APC2: variants seen among roughly 807,000 people sequenced by gnomAD.
APC2 encodes the protein adenomatous polyposis coli protein 2.
APC2 carries 41 observed loss-of-function variants against 72.5 expected under a neutral mutation model. The observed-to-expected ratio is 0.57, with a 90% CI of 0.44 to 0.73. The LOEUF is 0.73. APC2 is among the 30% of genes least tolerant of loss of function. The probability of loss-of-function intolerance (pLI) is 0.00; values close to 1 mark genes in which losing one functional copy is unlikely to be tolerated. For synonymous variants in APC2, 1,898 were observed against 1,612.0 expected (o/e 1.18, Z -4.25); for missense variants, 3,729 against 3,403.4 (o/e 1.10, Z -2.38).
chr19:1,468,325 C>T lies in APC2; in HGVS notation c.5024C>T (p.Ser1675Leu). 1.9e-6 allele frequency: 3 copies of T among 1,553,224 alleles called. No homozygotes were observed. Among genetic ancestry groups the T allele is most frequent in the Non-Finnish European group, 2.6e-6 (3 of 1,150,008 alleles). Residue 1675 changes from serine to leucine, a missense_variant, in exon 15 of 15, where the codon TCG (serine) becomes TTG (leucine). Transcript: ENST00000590469. Reference sequence around the variant, plus strand: ...GAACGCGGCGAGGAGGCAGCGGGCTCGGACCGGGCCTCCGACCTGGATAGC... The same window carrying T: ...GAACGCGGCGAGGAGGCAGCGGGCTTGGACCGGGCCTCCGACCTGGATAGC... The part of the protein sequence containing the change: ...SRERGEEAAG[S>L]DRASDLDSVE...
chr19:1,452,905 G>A lies in APC2; in HGVS notation c.-18-79G>A. 4 of 1,503,648 alleles carry A rather than the reference G, an allele frequency of 2.7e-6. No individual in the cohort carries two copies. The highest frequency in any genetic ancestry group is 1.3e-5 in the South Asian group (1 of 77,286). The allele number at this position is 1,503,648 out of a possible 1,614,324, so 93.1% of individuals were successfully genotyped here. A position where few individuals can be genotyped will look rare whatever the true frequency, so the allele number is the denominator to read the frequency against. Reference sequence around the variant, plus strand: ...ATCAGGCAGGACGGCTGGGGCTTAGGTCAGGGGCCGTCTGTCCGGAAGGCA... The same window carrying A: ...ATCAGGCAGGACGGCTGGGGCTTAGATCAGGGGCCGTCTGTCCGGAAGGCA... On this transcript the variant is annotated intron_variant, in intron 1 of 14. Transcript: ENST00000590469. This position sits in a 1 kb window ranked among gnomAD's most constrained non-coding sequence, Gnocchi z 5.1.
chr19:1,460,098 C>T (rs2083899033), intron 10 of APC2, 83 bp from the exon 11 acceptor site: 1 of 1,581,424 alleles, frequency 6.3e-7, no homozygotes, highest in African/African-American at 1.3e-5. Context: ...TAGGGAGGGC[C>T]TCTGGGCAAG....
At position 1,465,230 on chromosome 19, in the gene APC2, C is replaced by A. The variant is rs767211963; in HGVS notation, c.1929C>A (p.Ser643Arg). The change falls in exon 15 of 15, where the codon AGC becomes AGA. Residue 643 changes from serine to arginine, a missense_variant. By Grantham distance (110) the Ser-to-Arg change is moderately radical. Transcript: ENST00000590469. ...CTTCGCACAGCCTGACCATCGTGAG[C>A]AACGCGTGCGGCACGCTCTGGAACC... ...HLTSHSLTIVSNACGTLWNLS... is the reference protein window; with the variant it reads ...HLTSHSLTIVRNACGTLWNLS... 6.2e-7 allele frequency: 1 copy of A among 1,610,642 alleles called. No homozygotes were observed. The highest frequency in any genetic ancestry group is 8.5e-7 in the Non-Finnish European group (1 of 1,179,584).
At chr19:1,454,829 A>C (rs1599134184) in intron 4 of APC2, among the ~76,000 whole-genome samples, 1 of 152,042 alleles carries the variant, frequency 6.6e-6, no homozygotes, top group Non-Finnish European at 1.5e-5. Flanking sequence ...AGCCTCTCAA[A>C]GTGCTGGGAT....
intron 13 of APC2, 88 bp from the exon 14 acceptor site, chr19:1,461,875 A>T: frequency 2.5e-6 from 3 of 1,219,780 alleles, no homozygotes; most frequent in Non-Finnish European, 3.4e-6. Flanking sequence ...AAAAAACAAA[A>T]AAACCCAACT....
rs984572536 is a variant in APC2, at chr19:1,468,335, C to T, written c.5034C>T (p.Ala1678=). The T allele has an allele frequency of 6.4e-7, 1 of 1,560,980 alleles. No individual in the cohort carries two copies. The highest frequency in any genetic ancestry group is 1.9e-5 in the Admixed American group (1 of 53,818). The change falls in exon 15 of 15, where the codon GCC becomes GCT. Residue 1678 remains alanine, a synonymous_variant. Transcript: ENST00000590469. ...AGGAGGCAGCGGGCTCGGACCGGGC[C>T]TCCGACCTGGATAGCGTGGAGTGGC... ...RGEEAAGSDR[A]SDLDSVEWRA...
Position 1,468,172 on chromosome 19 carries a change from C to T in APC2, c.4871C>T (p.Ala1624Val). The T allele has an allele frequency of 6.9e-7, 1 of 1,452,814 alleles. No homozygotes were observed. Among genetic ancestry groups the T allele is most frequent in the Non-Finnish European group, 9.0e-7 (1 of 1,111,746 alleles). 90.0% of individuals were successfully genotyped at this position (1,452,814 alleles called of 1,614,324 possible). A position where few individuals can be genotyped will look rare whatever the true frequency, so the allele number is the denominator to read the frequency against. The stretch of plus-strand genomic sequence containing the variant: ...CGCGACAGCTCGCCCAGCCCGCGGG[C>T]CGCGGAGGAGCTTCTGCAGCGGTGC... ...GGRDSSPSPR[A>V]AEELLQRCIS... Residue 1624 changes from alanine to valine, a missense_variant, in exon 15 of 15, where the codon GCC becomes GTC. Transcript: ENST00000590469.
rs759376518 is a variant in APC2 at position 1,468,727 on chromosome 19, C to T, written c.5426C>T (p.Pro1809Leu). The change falls in exon 15 of 15, where the codon CCC becomes CTC. Residue 1809 changes from proline (P) to leucine (L), a missense_variant. Physicochemically the swap from Pro to Leu is moderately conservative, Grantham distance 98. Coordinates refer to ENST00000590469, the MANE Select transcript of APC2 (RefSeq NM_005883.3). ...CCCCGTGCCCAGCCCAAAGGGACCC[C>T]CGGCCCCCGCGCCACACCGCGGAAG... ...PAPRAQPKGT[P>L]GPRATPRKVA... 1.3e-6 allele frequency: 2 copies of T among 1,506,038 alleles called. No homozygotes were observed. Among genetic ancestry groups the T allele is most frequent in the Admixed American group, 2.2e-5 (1 of 45,712 alleles). 93.3% of individuals were successfully genotyped at this position (1,506,038 alleles called of 1,614,324 possible).
chr19:1,450,095 C>T (rs1464952445), upstream of APC2: 3 of 969,194 alleles, frequency 3.1e-6, no homozygotes, highest in Non-Finnish European at 3.7e-6. Context: ...TCACCCGCAT[C>T]CCTCATCCCG....
chr19:1,455,284 AGC>A, intron 5 of APC2, 27 bp downstream of exon 5: 1 of 1,561,914 alleles, frequency 6.4e-7, no homozygotes, highest in Non-Finnish European at 8.6e-7. Context: ...GCCAGGGGGC[AGC>A]GCGCCCGCCC....
At position 1,469,482 on chromosome 19, in the gene APC2, C is replaced by T; in HGVS notation, c.6181C>T (p.Pro2061Ser). Residue 2061 changes from proline (P) to serine (S), a missense_variant, in exon 15 of 15, where the codon CCC becomes TCC. Transcript: ENST00000590469. ...GGGCCCGGCCCCGGCCCGGCAGCGG[C>T]CCCCCGCGGCCCGACCCAGCCCTGG... is the stretch of plus-strand genomic sequence containing the variant. ...RQGPAPARQR[P>S]PAARPSPGER... 9.1e-7 allele frequency: 1 copy of T among 1,101,682 alleles called. No homozygotes were observed. The highest frequency in any genetic ancestry group is 1.1e-6 in the Non-Finnish European group (1 of 908,984). The allele number at this position is 1,101,682 out of a possible 1,614,324, so 68.2% of individuals were successfully genotyped here.
Position 1,469,704 on chromosome 19 carries a change from C to G in APC2, c.6403C>G (p.Pro2135Ala). The G allele has an allele frequency of 7.2e-7, 1 of 1,385,062 alleles. No individual in the cohort carries two copies. Among genetic ancestry groups the G allele is most frequent in the Non-Finnish European group, 9.3e-7 (1 of 1,074,202 alleles). 85.8% of individuals were successfully genotyped at this position (1,385,062 alleles called of 1,614,324 possible). ...ARRSSDGEPR[P>A]LPRVAAPGTT... ...CCGCAGCAGCGACGGGGAGCCCCGG[C>G]CGCTCCCCAGGGTGGCCGCGCCGGG... is the stretch of plus-strand genomic sequence containing the variant. The change falls in exon 15 of 15, where the codon CCG becomes GCG. Residue 2135 changes from proline (P) to alanine (A), a missense_variant. Physicochemically the swap from Pro to Ala is conservative, Grantham distance 27. Coordinates refer to ENST00000590469, the MANE Select transcript of APC2 (RefSeq NM_005883.3).
At chr19:1,458,231 A>G (rs1437683461) in intron 10 of APC2, 171 bp downstream of exon 10, 5 of 643,042 alleles carry the variant, frequency 7.8e-6, no homozygotes, top group South Asian at 1.8e-5. Flanking sequence ...GTGGACCGTC[A>G]CCCTGGGCCC....
chr19:1,466,965 G>T lies in APC2; in HGVS notation c.3664G>T (p.Gly1222Cys). 1 of 1,605,770 alleles carries T rather than the reference G, an allele frequency of 6.2e-7. No homozygotes were observed. Among genetic ancestry groups the T allele is most frequent in the Non-Finnish European group, 8.5e-7 (1 of 1,176,638 alleles). Residue 1222 changes from glycine to cysteine, a missense_variant, in exon 15 of 15, where the codon GGT becomes TGT. Coordinates refer to ENST00000590469, the MANE Select transcript of APC2 (RefSeq NM_005883.3). ...KTPPLAPAPQGPPEATQFSLQ... is the reference protein window; with the variant it reads ...KTPPLAPAPQCPPEATQFSLQ... The stretch of plus-strand genomic sequence containing the variant: ...GCCACCGCTGGCGCCCGCGCCACAG[G>T]GTCCCCCCGAGGCCACCCAGTTCAG...
chr19:1,461,461 C>A (rs188797061), intron 13 of APC2: 8 of 445,836 alleles, frequency 1.8e-5, no homozygotes, highest in Non-Finnish European at 3.3e-5. Context: ...TCCAGCTACT[C>A]GGGAGGCTGA....
upstream of APC2, among the ~76,000 whole-genome samples, chr19:1,446,791 G>T (rs915797958): frequency 6.6e-6 from 1 of 152,116 alleles, no homozygotes; most frequent in South Asian, 2.1e-4. This position sits in a 1 kb window ranked among gnomAD's most constrained non-coding sequence, Gnocchi z 6.1. Flanking sequence ...GGGCGCGAGC[G>T]TATGGCCTGC....
In APC2 at chr19:1,470,082, C is replaced by A. The variant is rs1178526889; in HGVS notation, c.6781C>A (p.His2261Asn). The A allele has an allele frequency of 1.2e-6, 2 of 1,601,894 alleles. No homozygotes were observed. The highest frequency in any genetic ancestry group is 1.3e-5 in the African/African-American group (1 of 74,616). ...CGTGGGGGGCTTCCCCGCCAGCCGG[C>A]ACGGCTCCCCCAGCCGCTCGGCCCG... ...VAVGGFPASR[H>N]GSPSRSARVP... Residue 2261 changes from histidine to asparagine, a missense_variant, in exon 15 of 15, where the codon CAC (histidine) becomes AAC (asparagine). Physicochemically the swap from His to Asn is moderately conservative, Grantham distance 68. Coordinates refer to ENST00000590469, the MANE Select transcript of APC2 (RefSeq NM_005883.3).
Position 1,452,731 on chromosome 19 carries a change from G to A in APC2, c.-18-253G>A. On this transcript the variant is annotated intron_variant, in intron 1 of 14. Coordinates refer to ENST00000590469, the MANE Select transcript of APC2 (RefSeq NM_005883.3). This position sits in a 1 kb window ranked among gnomAD's most constrained non-coding sequence, Gnocchi z 5.1. ...TGGTCAGTTGGACGTTCAGCTGTCT[G>A]TACGTCTGTCTGCTGGCCCCTCTGT... 1 of 503,132 alleles carries A rather than the reference G, an allele frequency of 2.0e-6. No homozygotes were observed. Among genetic ancestry groups the A allele is most frequent in the Non-Finnish European group, 3.6e-6 (1 of 279,038 alleles). 31.2% of individuals were successfully genotyped at this position (503,132 alleles called of 1,614,324 possible). A position where few individuals can be genotyped will look rare whatever the true frequency, so the allele number is the denominator to read the frequency against.
Position 1,465,681 on chromosome 19 carries a change from G to T in APC2, c.2380G>T (p.Gly794Trp), listed in dbSNP as rs767799677. 2 of 1,594,702 alleles carry T rather than the reference G, an allele frequency of 1.3e-6. No homozygotes were observed. The highest frequency in any genetic ancestry group is 2.3e-5 in the South Asian group (2 of 88,752). ...ATCCCTGGCTGCGGCCGCGGCCACC[G>T]GGGAGCCAGCCAGCCCTGCCGCGCT... ...PSSLAAAAAT[G>W]EPASPAALSL... Residue 794 changes from glycine to tryptophan, a missense_variant, in exon 15 of 15, where the codon GGG (glycine) becomes TGG (tryptophan). Transcript: ENST00000590469.
Sources: allele counts gnomAD v4.1 joint callset (sites outside exome capture counted in the v4.1 genomes callset), GRCh38; gene constraint gnomAD v4.1.1; non-coding constraint Gnocchi (gnomAD v3.1); transcripts MANE v1.5; gene names NCBI Gene and HGNC (gene_info 2026-07-23, HGNC 2026-07-21).